Variants in RAB5A observed in about 807,000 individuals in gnomAD.
RAB5A encodes the protein ras-related protein Rab-5A.
RAB5A carries 8 observed loss-of-function variants against 25.7 expected under a neutral mutation model. The observed-to-expected ratio is 0.31, with a 90% CI of 0.18 to 0.56. RAB5A has a LOEUF of 0.56. Among genes scored for constraint, RAB5A ranks in the 20% least tolerant of loss-of-function variants. The pLI, the probability that RAB5A is intolerant of heterozygous loss-of-function variation, is 0.91. For synonymous variants in RAB5A, 98 were observed against 89.8 expected, an observed-to-expected ratio of 1.09 and a Z score of -0.52; for missense variants, 192 against 259.7, an observed-to-expected ratio of 0.74 and a Z score of 1.79.
At chr3:19,967,014 A>C (rs1453000643) in intron 2 of RAB5A, among the ~76,000 whole-genome samples, 2 of 152,174 alleles carry the variant, frequency 1.3e-5, no homozygotes, top group Non-Finnish European at 2.9e-5. Flanking sequence ...GCAGATCTTG[A>C]ACGCCTGCTT....
chr3:19,955,629 C>G (rs1259311669), intron 2 of RAB5A, among the ~76,000 whole-genome samples: 1 of 152,106 alleles, frequency 6.6e-6, no homozygotes, highest in African/African-American at 2.4e-5. Flanking sequence ...CGCGGTAGCT[C>G]ATACCTGTAA....
Position 19,984,115 on chromosome 3 carries a change from G to C in RAB5A, c.*292G>C, listed in dbSNP as rs1279001376. ...TCACTAGGAATATAGACAAATGACT[G>C]TCTGGGCCCACACAGTTAACCAGCC... On this transcript the variant is annotated 3_prime_UTR_variant, in exon 6 of 6. Transcript: ENST00000273047. 9.8e-6 allele frequency: 4 copies of C among 408,826 alleles called. No individual in the cohort carries two copies. The highest frequency in any genetic ancestry group is 1.8e-5 in the Non-Finnish European group (4 of 218,196). The allele number at this position is 408,826 out of a possible 1,614,324, so 25.3% of individuals were successfully genotyped here.
chr3:19,960,462 C>T (rs1282087291), intron 2 of RAB5A, among the ~76,000 whole-genome samples: 1 of 152,052 alleles, frequency 6.6e-6, no homozygotes, highest in African/African-American at 2.4e-5. Flanking sequence ...CCCCTGCCCC[C>T]GGCTAATTTT....
At chr3:19,980,624 C>T (rs1696907781) in intron 5 of RAB5A, among the ~76,000 whole-genome samples, 1 of 152,086 alleles carries the variant, frequency 6.6e-6, no homozygotes, top group Admixed American at 6.6e-5. Flanking sequence ...AGGGAACATG[C>T]TAAAGGGATA....
chr3:19,975,412 T>A, intron 2 of RAB5A, 189 bp from the exon 3 acceptor site: 1 of 497,364 alleles, frequency 2.0e-6, no homozygotes, highest in East Asian at 3.4e-5. Flanking sequence ...GGGTATGCAA[T>A]CTGTCAAGTT....
chr3:19,975,945 T>A, intron 3 of RAB5A, 102 bp from the exon 4 acceptor site: 1 of 1,448,684 alleles, frequency 6.9e-7, no homozygotes, highest in African/African-American at 1.4e-5. Flanking sequence ...ATAATTTCTT[T>A]CCCACAGTCA....
intron 2 of RAB5A, among the ~76,000 whole-genome samples, chr3:19,959,567 G>A (rs1224072330): frequency 6.6e-6 from 1 of 150,930 alleles, no homozygotes; most frequent in East Asian, 1.9e-4. Context: ...CATGGACTTT[G>A]TGAGATTTAT....
chr3:19,983,646 A>G, intron 5 of RAB5A, 62 bp from the exon 6 acceptor site: 1 of 1,060,930 alleles, frequency 9.4e-7, no homozygotes, highest in Non-Finnish European at 1.4e-6. Context: ...ATAGATAAGC[A>G]GGTGAAACTG....
chr3:19,964,603 A>G lies in RAB5A; in HGVS notation c.164-10998A>G, dbSNP rs145453293. 3.0e-4 allele frequency among the ~76,000 whole-genome samples: 45 copies of G among 152,298 alleles called. 1 individual carries two copies. The highest frequency in any genetic ancestry group is 8.2e-4 in the African/African-American group (34 of 41,574). ...GGTTTGGGGCACTAACTTAATACTA[A>G]CAAACTCCTAAGATTAATTTAATTT... On this transcript the variant is annotated intron_variant, in intron 2 of 5. Transcript: ENST00000273047.
At chr3:19,979,794 G>A (rs556632535) in intron 5 of RAB5A, among the ~76,000 whole-genome samples, 4 of 151,874 alleles carry the variant, frequency 2.6e-5, no homozygotes, top group South Asian at 2.1e-4. Flanking sequence ...AAAGTTTGCC[G>A]TCTGTGGTTT....
At chr3:19,948,712 TA>T (rs1559484146) in intron 1 of RAB5A, among the ~76,000 whole-genome samples, 15 of 152,148 alleles carry the variant, frequency 9.9e-5, no homozygotes, top group Admixed American at 7.9e-4. Context: ...CTTTAAACCT[TA>T]AAAGTCAAAG....
intron 1 of RAB5A, chr3:19,947,729 G>C (rs1696344450): frequency 6.6e-6 from 1 of 152,598 alleles, no homozygotes; most frequent in East Asian, 1.9e-4. Flanking sequence ...TGGAGACCGG[G>C]ATTTGGGGAC....
chr3:19,978,411 T>G lies in RAB5A; in HGVS notation c.532+8T>G. ...AAATATTCATGGCAATAGGTAAGAT[T>G]AATATCTCTTTTTAAATGATCAATA... is the stretch of plus-strand genomic sequence containing the variant. On this transcript the variant is annotated splice_region_variant and intron_variant, in intron 5 of 5. Transcript: ENST00000273047. 1 of 1,536,192 alleles carries G rather than the reference T, an allele frequency of 6.5e-7. No homozygotes were observed.
In RAB5A at chr3:19,977,508, T is replaced by C. The variant is rs1412990889; in HGVS notation, c.439-802T>C. 4.6e-5 allele frequency among the ~76,000 whole-genome samples: 7 copies of C among 152,238 alleles called. No individual in the cohort carries two copies. In the East Asian group the frequency reaches 1.3e-3, roughly 29 times the overall value. ...GATGACGTAGATGGAATCCATGTAT[T>C]CTTGCATCATTAGGTATTAAGTTGG... On this transcript the variant is annotated intron_variant, in intron 4 of 5. Transcript: ENST00000273047.
chr3:19,964,465 C>G (rs1575071479), intron 2 of RAB5A, among the ~76,000 whole-genome samples: 1 of 152,128 alleles, frequency 6.6e-6, no homozygotes, highest in Non-Finnish European at 1.5e-5. Flanking sequence ...TTACGTAAAT[C>G]TAATCTGGTG....
chr3:19,948,338 T>G (rs986865525), intron 1 of RAB5A, among the ~76,000 whole-genome samples: 9 of 152,230 alleles, frequency 5.9e-5, no homozygotes, highest in Admixed American at 2.6e-4. Context: ...CTTGTACACC[T>G]CTGGGAATAC....
At position 19,966,936 on chromosome 3, in the gene RAB5A, C is replaced by G. The variant is rs1431492657; in HGVS notation, c.164-8665C>G. On this transcript the variant is annotated intron_variant, in intron 2 of 5. Coordinates refer to ENST00000273047, the MANE Select transcript of RAB5A (RefSeq NM_004162.5). Reference sequence around the variant, plus strand: ...CTTCTGCCTGTACCTCCCAAGTAGTCCAGCGCATACCCCCATGCCTGGCTA... The same window carrying G: ...CTTCTGCCTGTACCTCCCAAGTAGTGCAGCGCATACCCCCATGCCTGGCTA... 2.6e-5 allele frequency among the ~76,000 whole-genome samples: 4 copies of G among 152,112 alleles called. No homozygotes were observed. The South Asian group carries it at 6.2e-4, about 24-fold the overall frequency.
Position 19,962,164 on chromosome 3 carries a change from T to C in RAB5A, c.163+11103T>C, listed in dbSNP as rs567593289. Among the ~76,000 whole-genome samples the C allele has an allele frequency of 5.3e-5, 8 of 152,328 alleles. No homozygotes were observed. The South Asian group carries it at 1.7e-3, about 32-fold the overall frequency. On this transcript the variant is annotated intron_variant, in intron 2 of 5. Transcript: ENST00000273047. ...TTGCTCCAGAAGTCACATAGATAGA[T>C]AGCATCTGTTCTATTCTAGTCACAG...
chr3:19,974,696 G>A (rs1355759198), intron 2 of RAB5A, among the ~76,000 whole-genome samples: 5 of 149,850 alleles, frequency 3.3e-5, no homozygotes, highest in Admixed American at 6.7e-5. Context: ...ACTCCAGCCT[G>A]GGAGATAGAG....
Sources: gnomAD v4.1 joint callset for allele counts (sites outside exome capture counted in the v4.1 genomes callset) on GRCh38, gnomAD v4.1.1 for gene constraint, MANE v1.5 for transcripts, NCBI Gene and HGNC (gene_info 2026-07-23, HGNC 2026-07-21) for gene names.